The following ZNF367 variants were observed in gnomAD, a reference collection of about 807,000 sequenced individuals.
The protein encoded by ZNF367 is zinc finger protein 367.
In ZNF367, 11 loss-of-function variants were observed where a neutral mutation model predicts 31.8. That is an observed-to-expected ratio of 0.35 (90% confidence interval 0.22 to 0.57). ZNF367 has a LOEUF of 0.57. ZNF367 is among the 20% of genes least tolerant of loss of function. The pLI is 0.85. For missense variants in ZNF367, 353 were observed against 484.1 expected, an observed-to-expected ratio of 0.73 and a Z score of 2.54; for synonymous variants, 199 against 202.4, an observed-to-expected ratio of 0.98 and a Z score of 0.14.
In ZNF367 at chr9:96,418,099, T is replaced by C. The variant is rs1831861034; in HGVS notation, c.-67A>G. The stretch of plus-strand genomic sequence containing the variant: ...TCCTGAGCACCGCTCTGCCCCTCAC[T>C]CGCTCTGCTCCGAGTCGCAGGCTCA... On this transcript the variant is annotated 5_prime_UTR_variant, in exon 1 of 5. Coordinates refer to ENST00000375256, the MANE Select transcript of ZNF367 (RefSeq NM_153695.4). 7 of 1,292,976 alleles carry C rather than the reference T, an allele frequency of 5.4e-6. No individual in the cohort carries two copies. The highest frequency in any genetic ancestry group is 1.5e-5 in the African/African-American group (1 of 64,630). 80.1% of individuals were successfully genotyped at this position (1,292,976 alleles called of 1,614,324 possible).
Position 96,417,878 on chromosome 9 carries a change from G to A in ZNF367, c.155C>T (p.Pro52Leu), listed in dbSNP as rs762681976. Residue 52 changes from proline (P) to leucine (L), a missense_variant, in exon 1 of 5, where the codon CCG becomes CTG. By Grantham distance (98) the Pro-to-Leu change is moderately conservative. Transcript: ENST00000375256. This position sits in a 1 kb window ranked among gnomAD's most constrained non-coding sequence, Gnocchi z 5.0. ...GCTGGTGGGGATGAGCGGCGGCGGC[G>A]GCTCCGGCTCCCCTCCACCGCCGCA... ...PTCGGGGEPE[P>L]PPPLIPTSPG... 7.3e-6 allele frequency: 11 copies of A among 1,515,250 alleles called. No homozygotes were observed. The Admixed American group carries it at 1.3e-4, about 18-fold the overall frequency. 93.9% of individuals were successfully genotyped at this position (1,515,250 alleles called of 1,614,324 possible). A position where few individuals can be genotyped will look rare whatever the true frequency, so the allele number is the denominator to read the frequency against.
At chr9:96,409,689 C>T (rs1354848558) in intron 1 of ZNF367, among the ~76,000 whole-genome samples, 3 of 152,222 alleles carry the variant, frequency 2.0e-5, no homozygotes, top group African/African-American at 7.2e-5. Context: ...TCATCAAATT[C>T]TTTCATCTTC....
intron 1 of ZNF367, among the ~76,000 whole-genome samples, chr9:96,405,649 G>A (rs1831664046): frequency 6.6e-6 from 1 of 151,966 alleles, no homozygotes; most frequent in South Asian, 2.1e-4. Flanking sequence ...GCTACAAAGT[G>A]GATGAACCTA....
chr9:96,409,624 A>T (rs565814690), intron 1 of ZNF367, among the ~76,000 whole-genome samples: 1 of 152,358 alleles, frequency 6.6e-6, no homozygotes, highest in African/African-American at 2.4e-5. Flanking sequence ...ATCCTAATGG[A>T]CCATGACTTA....
At chr9:96,390,287 G>A (rs1831457360) in intron 4 of ZNF367, among the ~76,000 whole-genome samples, 1 of 152,082 alleles carries the variant, frequency 6.6e-6, no homozygotes, top group African/African-American at 2.4e-5. Flanking sequence ...TACTTAAAGT[G>A]GAAAAGTTTT....
At chr9:96,405,700 G>A (rs34274103) in intron 1 of ZNF367, among the ~76,000 whole-genome samples, 4,405 of 152,226 alleles carry the variant, frequency 0.029, 79 homozygotes, top group Middle Eastern at 0.061. Flanking sequence ...CACAAAAGGC[G>A]ACATATTATG....
intron 1 of ZNF367, among the ~76,000 whole-genome samples, chr9:96,414,685 C>A (rs1370701067): frequency 6.6e-6 from 1 of 152,118 alleles, no homozygotes; most frequent in Admixed American, 6.5e-5. Flanking sequence ...ACCATGTTGG[C>A]CAGGATGGTC....
In ZNF367 at chr9:96,401,041, C is replaced by T. The variant is rs982663960; in HGVS notation, c.421-2727G>A. Among the ~76,000 whole-genome samples the T allele has an allele frequency of 4.6e-5, 7 of 151,766 alleles. No homozygotes were observed. In the South Asian group the frequency reaches 1.0e-3, roughly 23 times the overall value. ...AGGAGTTTGAGACCAGCCTGGGAAA[C>T]GTAAGGAGACCTCATGTCTACAAAT... is the stretch of plus-strand genomic sequence containing the variant. On this transcript the variant is annotated intron_variant, in intron 1 of 4. Transcript: ENST00000375256.
intron 1 of ZNF367, among the ~76,000 whole-genome samples, chr9:96,410,453 T>G (rs1271212230): frequency 6.9e-6 from 1 of 145,756 alleles, no homozygotes; most frequent in Non-Finnish European, 1.5e-5. Flanking sequence ...TCCCAGCTAC[T>G]CGGGAGGCTG....
At chr9:96,389,390 T>C (rs528970093) in intron 4 of ZNF367, among the ~76,000 whole-genome samples, 1 of 151,752 alleles carries the variant, frequency 6.6e-6, no homozygotes, top group East Asian at 1.9e-4. Context: ...TTAATGTTCA[T>C]AGTAGCTTTA....
intron 1 of ZNF367, among the ~76,000 whole-genome samples, chr9:96,416,127 G>A (rs1284695355): frequency 9.9e-6 from 1 of 100,914 alleles, no homozygotes; most frequent in African/African-American, 3.8e-5. Context: ...TCGCTCTTTT[G>A]CACAGGCTGG....
In ZNF367 at chr9:96,388,289, G is replaced by A; in HGVS notation, c.1001C>T (p.Ala334Val). 6.2e-7 allele frequency: 1 copy of A among 1,612,188 alleles called. No individual in the cohort carries two copies. The highest frequency in any genetic ancestry group is 8.5e-7 in the Non-Finnish European group (1 of 1,180,032). Reference protein sequence around the residue: ...LQEQRERLHGALALIELANLT... With the variant: ...LQEQRERLHGVLALIELANLT... ...GTTGGCAAGCTCTATGAGCGCGAGG[G>A]CTCCATGCAGGCGCTCCCGCTGCTC... Residue 334 changes from alanine to valine, a missense_variant, in exon 5 of 5, where the codon GCC (alanine) becomes GTC (valine). By Grantham distance (64) the Ala-to-Val change is moderately conservative. Around this residue, in one of 5 missense-constraint regions of ZNF367, gnomAD observed 101 missense variants for 140.0 expected, o/e 0.72. Transcript: ENST00000375256.
chr9:96,394,361 G>A (rs1831505212), intron 3 of ZNF367, among the ~76,000 whole-genome samples: 1 of 152,142 alleles, frequency 6.6e-6, no homozygotes, highest in Admixed American at 6.5e-5. Flanking sequence ...GGGATGAGGG[G>A]CAGGTAAGGA....
In ZNF367 at chr9:96,394,123, T is replaced by C. The variant is rs944684402; in HGVS notation, c.691+700A>G. Among the ~76,000 whole-genome samples, 27 of 152,242 alleles carry C rather than the reference T, an allele frequency of 1.8e-4. 1 individual carries two copies. The highest frequency in any genetic ancestry group is 6.5e-4 in the Admixed American group (10 of 15,286). ...GTTGCTCCAAAGGCTGTATTTACTTTTACAGATTTTTCTACTGCCTACAAC... is the reference window on the plus strand; with the variant it reads ...GTTGCTCCAAAGGCTGTATTTACTTCTACAGATTTTTCTACTGCCTACAAC... On this transcript the variant is annotated intron_variant, in intron 3 of 4. Transcript: ENST00000375256.
intron 1 of ZNF367, among the ~76,000 whole-genome samples, chr9:96,405,752 G>A (rs915660891): frequency 1.4e-4 from 22 of 152,282 alleles, no homozygotes; most frequent in African/African-American, 5.1e-4. Context: ...TAAATCCATA[G>A]AGACAGAAAG....
chr9:96,412,840 T>G (rs887159190), intron 1 of ZNF367, among the ~76,000 whole-genome samples: 1 of 151,766 alleles, frequency 6.6e-6, no homozygotes, highest in African/African-American at 2.4e-5. Flanking sequence ...GGACTATAGG[T>G]GTGCACCACC....
At chr9:96,394,672 G>A in intron 3 of ZNF367, 151 bp downstream of exon 3, 1 of 763,702 alleles carries the variant, frequency 1.3e-6, no homozygotes, top group South Asian at 2.2e-5. Context: ...GAGAAATTCA[G>A]CATGTATCAC....
At chr9:96,391,753 T>C (rs1193146546) in intron 4 of ZNF367, among the ~76,000 whole-genome samples, 4 of 152,168 alleles carry the variant, frequency 2.6e-5, no homozygotes, top group African/African-American at 9.7e-5. Flanking sequence ...CTAACATCTA[T>C]CCCTGGTGTT....
At chr9:96,405,809 C>T (rs1226345273) in intron 1 of ZNF367, among the ~76,000 whole-genome samples, 2 of 152,110 alleles carry the variant, frequency 1.3e-5, no homozygotes, top group African/African-American at 2.4e-5. Flanking sequence ...AACAGGGAAT[C>T]GTGGTCTAAC....
Sources: allele counts gnomAD v4.1 joint callset (sites outside exome capture counted in the v4.1 genomes callset), GRCh38; gene constraint gnomAD v4.1.1; regional missense constraint gnomAD v4.1.1; non-coding constraint Gnocchi (gnomAD v3.1); transcripts MANE v1.5; gene names NCBI Gene and HGNC (gene_info 2026-07-23, HGNC 2026-07-21).